The following RPS6KA6 variants were observed in gnomAD, a reference collection of about 807,000 sequenced individuals.
The protein encoded by RPS6KA6 is ribosomal protein S6 kinase A6.
RPS6KA6 carries 27 observed loss-of-function variants against 65.4 expected under a neutral mutation model. The observed-to-expected ratio is 0.41, with a 90% CI of 0.30 to 0.57. The LOEUF (loss-of-function observed/expected upper bound fraction) is 0.57, where lower values mean the gene tolerates loss of function less well. Ranked by LOEUF, RPS6KA6 falls within the 20% of genes least tolerant of loss-of-function variation. The pLI is 0.24. For missense variants in RPS6KA6, 486 were observed against 555.6 expected (o/e 0.87, Z 1.26); for synonymous variants, 190 against 184.2 (o/e 1.03, Z -0.26).
Position 84,064,163 on chromosome X carries a change from T to C in RPS6KA6, c.*114A>G. 1 of 823,918 alleles carries C rather than the reference T, an allele frequency of 1.2e-6. No individual in the cohort carries two copies. Among genetic ancestry groups the C allele is most frequent in the Non-Finnish European group, 1.7e-6 (1 of 595,530 alleles). 67.9% of individuals were successfully genotyped at this position (823,918 alleles called of 1,213,427 possible). ...ACTTCCCCTAAAAATGGGGATTTAA[T>C]ATTACTTAATATTCAAGTAATTTAG... On this transcript the variant is annotated 3_prime_UTR_variant, in exon 22 of 22. Coordinates refer to ENST00000262752, the MANE Select transcript of RPS6KA6 (RefSeq NM_014496.5).
In RPS6KA6 at chrX:84,059,587, T is replaced by C. The variant is rs1249944982; in HGVS notation, c.*4690A>G. ...GAGCAATATTAGTTCATAGGAAAGA[T>C]AAAAGTAACCTAATCAGTCACATTT... On this transcript the variant is annotated 3_prime_UTR_variant, in exon 22 of 22. Coordinates refer to ENST00000262752, the MANE Select transcript of RPS6KA6 (RefSeq NM_014496.5). The C allele has an allele frequency of 1.8e-5, 2 of 112,543 alleles. No individual in the cohort carries two copies. The highest frequency in any genetic ancestry group is 3.7e-5 in the Non-Finnish European group (2 of 53,346). 9.3% of individuals were successfully genotyped at this position (112,543 alleles called of 1,213,427 possible).
At chrX:84,108,881 C>A (rs1269403124) in intron 12 of RPS6KA6, among the ~76,000 whole-genome samples, 1 of 112,060 alleles carries the variant, frequency 8.9e-6, no homozygotes, top group South Asian at 3.7e-4. Flanking sequence ...GCAAAGACTG[C>A]CGGTCTCAGC....
At position 84,065,034 on chromosome X, in the gene RPS6KA6, T is replaced by C. The variant is rs553883931; in HGVS notation, c.2049A>G (p.Ile683Met). ...CATTTGGCAACTGGTCTCTGTGAGT[T>C]ATCCATGAGTGCTTTAATATTTGTT... ...TAEQILKHSW[I>M]THRDQLPNDQ... The change falls in exon 21 of 22, where the codon ATA becomes ATG. Residue 683 changes from isoleucine to methionine, a missense_variant. By Grantham distance (10) the Ile-to-Met change is conservative. Coordinates refer to ENST00000262752, the MANE Select transcript of RPS6KA6 (RefSeq NM_014496.5). 8.1e-5 allele frequency: 97 copies of C among 1,198,631 alleles called. No homozygotes were observed. In the South Asian group the frequency reaches 1.5e-3, roughly 19 times the overall value.
intron 1 of RPS6KA6, among the ~76,000 whole-genome samples, chrX:84,178,382 C>T (rs2035799899): frequency 9.0e-6 from 1 of 111,597 alleles, no homozygotes; most frequent in African/African-American, 3.3e-5. Flanking sequence ...ATTAGGTTTC[C>T]TCATCTATAA....
chrX:84,118,233 T>C (rs1422819828), intron 9 of RPS6KA6, among the ~76,000 whole-genome samples: 1 of 111,628 alleles, frequency 9.0e-6, no homozygotes, highest in Non-Finnish European at 1.9e-5. Context: ...AGCTTATACA[T>C]TCAAGTCTCT....
intron 20 of RPS6KA6, among the ~76,000 whole-genome samples, chrX:84,074,278 C>T (rs1180305567): frequency 9.0e-6 from 1 of 111,561 alleles, no homozygotes; most frequent in Non-Finnish European, 1.9e-5. Context: ...ACAAATACCA[C>T]CTGATCCACT....
At chrX:84,092,798 T>C (rs1431099081) in intron 20 of RPS6KA6, among the ~76,000 whole-genome samples, 2 of 111,361 alleles carry the variant, frequency 1.8e-5, no homozygotes, top group African/African-American at 6.5e-5. Flanking sequence ...CTCAAAAAAT[T>C]CTACCATATT....
At chrX:84,179,183 A>G (rs2035811717) in intron 1 of RPS6KA6, among the ~76,000 whole-genome samples, 1 of 111,347 alleles carries the variant, frequency 9.0e-6, no homozygotes, top group Non-Finnish European at 1.9e-5. Context: ...ATGTGTCATT[A>G]GGGAAATGCA....
intron 8 of RPS6KA6, among the ~76,000 whole-genome samples, chrX:84,124,685 C>T (rs1216157289): frequency 9.2e-6 from 1 of 109,166 alleles, no homozygotes; most frequent in Non-Finnish European, 1.9e-5. Context: ...AGGGGCAAGT[C>T]TAAGAGCTAC....
intron 1 of RPS6KA6, among the ~76,000 whole-genome samples, chrX:84,174,156 A>T (rs756665225): frequency 3.6e-5 from 4 of 111,896 alleles, no homozygotes; most frequent in African/African-American, 1.3e-4. Context: ...AAATATTTTC[A>T]AAGGTTTATT....
At chrX:84,090,861 A>C (rs542535208) in intron 20 of RPS6KA6, among the ~76,000 whole-genome samples, 44 of 112,020 alleles carry the variant, frequency 3.9e-4, no homozygotes, top group African/African-American at 1.3e-3. Flanking sequence ...CTACAGAAAC[A>C]AAGTGGGTCA....
At chrX:84,138,909 A>C (rs1205178567) in intron 6 of RPS6KA6, among the ~76,000 whole-genome samples, 1 of 110,840 alleles carries the variant, frequency 9.0e-6, no homozygotes, top group African/African-American at 3.3e-5. Flanking sequence ...ATACATTATA[A>C]AATTCTTTAA....
At chrX:84,145,449 A>C in intron 6 of RPS6KA6, 29 bp downstream of exon 6, 1 of 938,964 alleles carries the variant, frequency 1.1e-6, no homozygotes, top group Non-Finnish European at 1.5e-6. Flanking sequence ...TGTTTTAAGA[A>C]AATACAGTAA....
intron 3 of RPS6KA6, among the ~76,000 whole-genome samples, chrX:84,152,376 T>C (rs2035342346): frequency 9.0e-6 from 1 of 110,927 alleles, no homozygotes; most frequent in Admixed American, 9.7e-5. Context: ...TTTACTATTA[T>C]AATGTCCTTC....
chrX:84,148,392 T>C (rs978899442), intron 3 of RPS6KA6, among the ~76,000 whole-genome samples: 45 of 110,607 alleles, frequency 4.1e-4, no homozygotes, highest in African/African-American at 1.4e-3. Flanking sequence ...AAAAAATAAA[T>C]GAAAAAAGTT....
At chrX:84,153,513 A>G (rs2035365288) in intron 3 of RPS6KA6, among the ~76,000 whole-genome samples, 1 of 111,829 alleles carries the variant, frequency 8.9e-6, no homozygotes. Context: ...TCCTTAAACT[A>G]CAATTTTAAG....
intron 6 of RPS6KA6, among the ~76,000 whole-genome samples, chrX:84,143,982 G>T (rs1283106500): frequency 9.0e-6 from 1 of 111,029 alleles, no homozygotes; most frequent in Non-Finnish European, 1.9e-5. Flanking sequence ...CTATCTATGT[G>T]AACAAATGAA....
intron 13 of RPS6KA6, 55 bp downstream of exon 13, chrX:84,107,562 GTTTATT>G: frequency 5.5e-6 from 4 of 723,626 alleles, no homozygotes; most frequent in Non-Finnish European, 8.0e-6. Flanking sequence ...TCACAAGAAA[GTTTATT>G]TTTAAACTAT....
At chrX:84,122,688 C>G (rs1415317856) in intron 8 of RPS6KA6, among the ~76,000 whole-genome samples, 1 of 111,235 alleles carries the variant, frequency 9.0e-6, no homozygotes, top group Non-Finnish European at 1.9e-5. Context: ...TCCCAGTGGT[C>G]TAAATTTGAA....
Sources: allele counts gnomAD v4.1 joint callset (sites outside exome capture counted in the v4.1 genomes callset), GRCh38; gene constraint gnomAD v4.1.1; transcripts MANE v1.5; gene names NCBI Gene and HGNC (gene_info 2026-07-23, HGNC 2026-07-21).